Variants in TRPM8 observed in about 807,000 individuals in gnomAD.
The protein encoded by TRPM8 is TRPM8 cationic channel.
Under a neutral mutation model 133.7 loss-of-function variants are expected in TRPM8, and 110 were observed. The ratio of observed to expected loss-of-function variants is 0.82; its 90% CI spans 0.70 to 0.96. The LOEUF (loss-of-function observed/expected upper bound fraction) is 0.96, where lower values mean the gene tolerates loss of function less well. Among genes scored for constraint, TRPM8 ranks in the 40% least tolerant of loss-of-function variants. The pLI, the probability that TRPM8 is intolerant of heterozygous loss-of-function variation, is 0.00. For missense variants in TRPM8, 1,291 were observed against 1,379.5 expected (o/e 0.94, Z 1.02); for synonymous variants, 535 against 532.3 (o/e 1.01, Z -0.07).
At chr2:233,976,156 C>G (rs28902197) in intron 17 of TRPM8, among the ~76,000 whole-genome samples, 7 of 152,212 alleles carry the variant, frequency 4.6e-5, no homozygotes, top group Non-Finnish European at 8.8e-5. Context: ...CCCTATGGAG[C>G]ATTCTACCAG....
intron 8 of TRPM8, among the ~76,000 whole-genome samples, chr2:233,949,668 A>T (rs1691127256): frequency 6.6e-6 from 1 of 152,248 alleles, no homozygotes; most frequent in East Asian, 1.9e-4. Context: ...GTGTACAGGG[A>T]TATTTTAAAG....
chr2:233,966,238 C>T (rs1329793084), intron 14 of TRPM8: 1 of 105,194 alleles, frequency 9.5e-6, no homozygotes, highest in Non-Finnish European at 1.9e-5. Flanking sequence ...GCTCTGATTA[C>T]GGGGGGGTCG....
At chr2:233,917,472 T>G (rs201503375) in intron 1 of TRPM8, 40 bp downstream of exon 1, 6 of 152,226 alleles carry the variant, frequency 3.9e-5, no homozygotes, top group Non-Finnish European at 8.8e-5. Flanking sequence ...TCCTTAAATG[T>G]TGCCATTGCT....
At chr2:233,922,275 C>T (rs1388226654) in intron 1 of TRPM8, among the ~76,000 whole-genome samples, 1 of 152,044 alleles carries the variant, frequency 6.6e-6, no homozygotes, top group Non-Finnish European at 1.5e-5. Flanking sequence ...GCATAATCAA[C>T]CTGGAAGGTC....
At chr2:233,937,804 A>G (rs1362715934) in intron 4 of TRPM8, among the ~76,000 whole-genome samples, 6 of 152,166 alleles carry the variant, frequency 3.9e-5, no homozygotes, top group Non-Finnish European at 8.8e-5. Context: ...TGAGGGCCCC[A>G]TGAATGCTTT....
At chr2:233,985,056 C>G (rs1224000616) in intron 20 of TRPM8, among the ~76,000 whole-genome samples, 4 of 151,086 alleles carry the variant, frequency 2.6e-5, no homozygotes, top group Admixed American at 2.6e-4. Context: ...TGCACTCCAG[C>G]CTCGGCATCA....
At chr2:234,009,992 A>C (rs1692795980) in intron 24 of TRPM8, among the ~76,000 whole-genome samples, 1 of 152,198 alleles carries the variant, frequency 6.6e-6, no homozygotes. Context: ...TGAGGGAATT[A>C]GATTAATTTA....
At chr2:234,001,215 A>G (rs1692555625) in intron 22 of TRPM8, among the ~76,000 whole-genome samples, 1 of 152,164 alleles carries the variant, frequency 6.6e-6, no homozygotes, top group Admixed American at 6.5e-5. Context: ...GAAGGTCAGA[A>G]AATCCTTCCT....
chr2:234,009,149 C>A (rs1174966867), intron 24 of TRPM8, among the ~76,000 whole-genome samples: 1 of 152,090 alleles, frequency 6.6e-6, no homozygotes, highest in Admixed American at 6.5e-5. Context: ...CCAAGAGGGA[C>A]CTATCTGGAA....
Position 233,985,689 on chromosome 2 carries a change from T to C in TRPM8, c.2763T>C (p.Gly921=), listed in dbSNP as rs1160904561. 6.2e-7 allele frequency: 1 copy of C among 1,613,540 alleles called. No individual in the cohort carries two copies. The highest frequency in any genetic ancestry group is 2.2e-5 in the East Asian group (1 of 44,862). ...GCCTGTTGGTTTCTACATCCTCAGG[T>C]ACCACGTATGACTTTGCCCACTGCA... ...MFGQVPSDVD[G]TTYDFAHCTF... The change falls in exon 21 of 26, where the codon GGT becomes GGC. Residue 921 remains glycine (G), a splice_region_variant and synonymous_variant. Transcript: ENST00000324695.
intron 22 of TRPM8, among the ~76,000 whole-genome samples, chr2:234,005,452 C>A (rs1191597556): frequency 6.6e-6 from 1 of 152,106 alleles, no homozygotes; most frequent in Non-Finnish European, 1.5e-5. Context: ...CCTTTCCATG[C>A]TGATTTTTAA....
intron 4 of TRPM8, among the ~76,000 whole-genome samples, chr2:233,938,153 C>T (rs1690807646): frequency 6.6e-6 from 1 of 152,196 alleles, no homozygotes; most frequent in Admixed American, 6.5e-5. Flanking sequence ...CTCTTGCTGC[C>T]CGCAGCTCTG....
At chr2:233,993,326 A>G (rs1363786762) in intron 21 of TRPM8, among the ~76,000 whole-genome samples, 1 of 152,206 alleles carries the variant, frequency 6.6e-6, no homozygotes, top group Non-Finnish European at 1.5e-5. Flanking sequence ...AGTTGTCCTG[A>G]GGAACAAATG....
chr2:233,929,557 G>C lies in TRPM8; in HGVS notation c.118-1111G>C, dbSNP rs139644679. On this transcript the variant is annotated intron_variant, in intron 2 of 25. Coordinates refer to ENST00000324695, the MANE Select transcript of TRPM8 (RefSeq NM_024080.5). The stretch of plus-strand genomic sequence containing the variant: ...AGTTGTCTGAGAACTCCAGCTGCCA[G>C]TATCTGGTGACCTGTGGGAAGTGGC... Among the ~76,000 whole-genome samples the C allele has an allele frequency of 6.6e-3, 1,012 of 152,350 alleles. 12 individuals are homozygous for C. Among genetic ancestry groups the C allele is most frequent in the African/African-American group, 0.023 (947 of 41,564 alleles).
At chr2:233,956,579 A>G (rs1240708313) in intron 11 of TRPM8, among the ~76,000 whole-genome samples, 1 of 152,216 alleles carries the variant, frequency 6.6e-6, no homozygotes, top group African/African-American at 2.4e-5. Flanking sequence ...ATGTATGTAT[A>G]GATTTGAAGG....
At chr2:233,945,822 C>T in intron 6 of TRPM8, 34 bp from the exon 7 acceptor site, 1 of 1,578,688 alleles carries the variant, frequency 6.3e-7, no homozygotes, top group Non-Finnish European at 8.7e-7. Flanking sequence ...ACTGATAATA[C>T]AATCTCAAAG....
intron 8 of TRPM8, among the ~76,000 whole-genome samples, chr2:233,947,801 T>G (rs1691082205): frequency 6.6e-6 from 1 of 152,192 alleles, no homozygotes; most frequent in Non-Finnish European, 1.5e-5. Flanking sequence ...AACCTTTTAT[T>G]TATTTATTTG....
rs1217299170 is a variant in TRPM8 at position 233,917,436 on chromosome 2, T to C, written c.-6+4T>C. 6.6e-6 allele frequency: 1 copy of C among 152,232 alleles called. No homozygotes were observed. The highest frequency in any genetic ancestry group is 1.5e-5 in the Non-Finnish European group (1 of 68,024). 9.4% of individuals were successfully genotyped at this position (152,232 alleles called of 1,614,324 possible). On this transcript the variant is annotated splice_donor_region_variant and intron_variant, in intron 1 of 25. Transcript: ENST00000324695. ...TTGACAAAAACCGTCACTTAGGGTA[T>C]GTCATCAACTTTTGCTTTTTGCTTC...
intron 22 of TRPM8, among the ~76,000 whole-genome samples, chr2:234,002,301 G>T (rs6750653): frequency 0.043 from 6,502 of 152,050 alleles, 273 homozygotes; most frequent in African/African-American, 0.088. Context: ...TGCAGGAGAC[G>T]AGAGTAAGGC....
Sources: gnomAD v4.1 joint callset for allele counts (sites outside exome capture counted in the v4.1 genomes callset) on GRCh38, gnomAD v4.1.1 for gene constraint, MANE v1.5 for transcripts, NCBI Gene and HGNC (gene_info 2026-07-23, HGNC 2026-07-21) for gene names.